Variants in EARS2 observed in about 807,000 individuals in gnomAD.
EARS2 encodes the protein nondiscriminating glutamyl-tRNA synthetase EARS2, mitochondrial.
Under a neutral mutation model 54.1 loss-of-function variants are expected in EARS2, and 50 were observed. The observed-to-expected ratio is 0.92, with a 90% CI of 0.74 to 1.17. The LOEUF is 1.17. EARS2 is among the 50% of genes most tolerant of loss of function. The pLI is 0.00. For synonymous variants in EARS2, 298 were observed against 281.0 expected (o/e 1.06, Z -0.61); for missense variants, 673 against 675.0 (o/e 1.00, Z 0.03).
chr16:23,557,367 G>A, upstream of EARS2: 1 of 1,536,976 alleles, frequency 6.5e-7, no homozygotes, highest in African/African-American at 1.4e-5. Flanking sequence ...GCACACGTGG[G>A]CTTCTCCCTG....
chr16:23,535,032 C>T lies in EARS2; in HGVS notation c.814G>A (p.Ala272Thr), dbSNP rs749912939. 6.3e-5 allele frequency: 102 copies of T among 1,610,796 alleles called. No homozygotes were observed. The highest frequency in any genetic ancestry group is 9.4e-5 in the African/African-American group (7 of 74,862). ...QALGWQPPHF[A>T]HLPLLLNRDG... ...CTGTTGAGGAGCAGGGGCAGGTGGG[C>T]GAAGTGGGGTGGCTGCCAGCCCAGG... Residue 272 changes from alanine (A) to threonine (T), a missense_variant, in exon 4 of 9, where the codon GCC becomes ACC. Physicochemically the swap from Ala to Thr is moderately conservative, Grantham distance 58 (BLOSUM62 0). Around this residue, in one of 3 missense-constraint regions of EARS2, gnomAD observed 338 missense variants for 361.2 expected, o/e 0.94. Coordinates refer to ENST00000449606, the MANE Select transcript of EARS2 (RefSeq NM_001083614.2).
chr16:23,526,965 TA>T (rs1047062134), intron 7 of EARS2, among the ~76,000 whole-genome samples: 15 of 62,982 alleles, frequency 2.4e-4, no homozygotes, highest in East Asian at 1.9e-3. Context: ...TAAAAATAAT[TA>T]ATTATTTTTT....
chr16:23,529,811 C>T lies in EARS2; in HGVS notation c.1154G>A (p.Gly385Asp), dbSNP rs1965293241. The change falls in exon 6 of 9, where the codon GGT (glycine) becomes GAT (aspartate). Residue 385 changes from glycine (G) to aspartate (D), a missense_variant. This residue lies in a region of EARS2 where 338 missense variants were observed against 361.2 expected (regional missense o/e 0.94). Transcript: ENST00000449606. ...KLQVLVEEAF[G>D]CQLQNRDVLN... is the part of the protein sequence containing the mutation. Reference sequence around the variant, plus strand: ...GACATCCCTGTTTTGCAGCTGGCAACCAAAGGCCTCCTCCACAAGGACCTG... The same window carrying T: ...GACATCCCTGTTTTGCAGCTGGCAATCAAAGGCCTCCTCCACAAGGACCTG... 6.2e-7 allele frequency: 1 copy of T among 1,614,020 alleles called. No homozygotes were observed. The highest frequency in any genetic ancestry group is 1.3e-5 in the African/African-American group (1 of 74,910).
Position 23,529,828 on chromosome 16 carries a change from A to G in EARS2, c.1137T>C (p.Leu379=), listed in dbSNP as rs1171240512. ...RRQLVGKLQV[L]VEEAFGCQLQ... ...GCTGGCAACCAAAGGCCTCCTCCAC[A>G]AGGACCTGCAGCTTCCCCACCAGCT... Residue 379 remains leucine, a synonymous_variant, in exon 6 of 9, where the codon CTT becomes CTC. Transcript: ENST00000449606. The G allele has an allele frequency of 5.6e-6, 9 of 1,614,026 alleles. No homozygotes were observed. The highest frequency in any genetic ancestry group is 1.7e-5 in the Admixed American group (1 of 59,988).
At chr16:23,536,759 T>C (rs985722381) in intron 3 of EARS2, among the ~76,000 whole-genome samples, 5 of 149,532 alleles carry the variant, frequency 3.3e-5, no homozygotes, top group African/African-American at 1.2e-4. Flanking sequence ...CTTGACTCAC[T>C]GCAACCTCCA....
chr16:23,530,424 G>A (rs1328975381), intron 5 of EARS2, among the ~76,000 whole-genome samples: 1 of 152,164 alleles, frequency 6.6e-6, no homozygotes, highest in Non-Finnish European at 1.5e-5. Context: ...CACGCTTTCA[G>A]TGTTTTCAAA....
intron 4 of EARS2, among the ~76,000 whole-genome samples, chr16:23,534,601 C>T (rs747769437): frequency 3.3e-5 from 5 of 152,290 alleles, no homozygotes; most frequent in Non-Finnish European, 7.3e-5. Context: ...AATCCTAACC[C>T]AATGAGGTAG....
rs966703064 is a variant in EARS2 at position 23,550,551 on chromosome 16, C to T, written c.295+1598G>A. Among the ~76,000 whole-genome samples, 7 of 150,394 alleles carry T rather than the reference C, an allele frequency of 4.7e-5. No homozygotes were observed. In the Admixed American group the frequency reaches 4.7e-4, roughly 10 times the overall value. ...CTTCCGGGTTCACGCCATTCTCCTG[C>T]CTCAGCCTCCTGAGTAGCTGAGACT... On this transcript the variant is annotated intron_variant, in intron 2 of 8. Coordinates refer to ENST00000449606, the MANE Select transcript of EARS2 (RefSeq NM_001083614.2).
intron 7 of EARS2, among the ~76,000 whole-genome samples, chr16:23,528,119 C>A (rs913866430): frequency 1.3e-5 from 2 of 152,184 alleles, no homozygotes; most frequent in African/African-American, 4.8e-5. Flanking sequence ...TCACCAGACA[C>A]TGAATCGGCG....
At chr16:23,548,720 G>C (rs151226117) in intron 2 of EARS2, among the ~76,000 whole-genome samples, 44 of 152,248 alleles carry the variant, frequency 2.9e-4, no homozygotes, top group African/African-American at 9.9e-4. Context: ...CTAAGCCAAA[G>C]ACAGCCTGAA....
chr16:23,556,265 A>G (rs1057362238), intron 1 of EARS2, among the ~76,000 whole-genome samples: 1 of 152,212 alleles, frequency 6.6e-6, no homozygotes, highest in African/African-American at 2.4e-5. Context: ...CAGGCTATAC[A>G]ATGGGCCTCT....
chr16:23,534,802 G>A, intron 4 of EARS2, 86 bp downstream of exon 4: 2 of 1,233,892 alleles, frequency 1.6e-6, no homozygotes, highest in Non-Finnish European at 2.2e-6. Flanking sequence ...GCAAAGCTGG[G>A]ACCAAAGAGC....
chr16:23,544,257 CA>C (rs1227769001), intron 3 of EARS2, among the ~76,000 whole-genome samples: 1 of 152,156 alleles, frequency 6.6e-6, no homozygotes, highest in Non-Finnish European at 1.5e-5. Flanking sequence ...TGAGGTTGGC[CA>C]ATAGCCTTCT....
intron 1 of EARS2, among the ~76,000 whole-genome samples, chr16:23,555,911 T>C (rs1445049626): frequency 1.3e-5 from 2 of 152,260 alleles, no homozygotes; most frequent in South Asian, 4.1e-4. Context: ...CATAGCAATC[T>C]GGCAGAATGA....
Position 23,524,421 on chromosome 16 carries a change from A to T in EARS2, c.1522T>A (p.Leu508Met). 1 of 1,614,176 alleles carries T rather than the reference A, an allele frequency of 6.2e-7. No individual in the cohort carries two copies. Among genetic ancestry groups the T allele is most frequent in the South Asian group, 1.1e-5 (1 of 91,088 alleles). The change falls in exon 9 of 9, where the codon TTG (leucine) becomes ATG (methionine). Residue 508 changes from leucine (L) to methionine (M), a missense_variant. Physicochemically the swap from Leu to Met is conservative, Grantham distance 15. This residue lies in a region of EARS2 where 338 missense variants were observed against 361.2 expected (regional missense o/e 0.94). Transcript: ENST00000449606. ...GPPVAEMMLA[L>M]GPKEVRERIQ... Reference sequence around the variant, plus strand: ...CGTTCCCGTACTTCCTTTGGTCCCAAGGCCAACATCATCTCAGCTACAGGA... The same window carrying T: ...CGTTCCCGTACTTCCTTTGGTCCCATGGCCAACATCATCTCAGCTACAGGA...
chr16:23,532,513 G>A (rs376530956), intron 5 of EARS2, 144 bp downstream of exon 5: 4 of 567,078 alleles, frequency 7.1e-6, no homozygotes, highest in Non-Finnish European at 1.3e-5. Context: ...TTAGAGAAGA[G>A]AAAACAGAGG....
In EARS2 at chr16:23,535,165, T is replaced by C. The variant is rs202009901; in HGVS notation, c.681A>G (p.Thr227=). The change falls in exon 4 of 9, where the codon ACA becomes ACG. Residue 227 remains threonine (T), a synonymous_variant. Coordinates refer to ENST00000449606, the MANE Select transcript of EARS2 (RefSeq NM_001083614.2). Reference sequence around the variant, plus strand: ...CGTCCACCACGCAGGCCAGGTGGTATGTGGGGAAGCCGTCGCTCTTCATGA... The same window carrying C: ...CGTCCACCACGCAGGCCAGGTGGTACGTGGGGAAGCCGTCGCTCTTCATGA... The part of the protein sequence containing the change: ...PVIMKSDGFP[T]YHLACVVDDH... The C allele has an allele frequency of 1.9e-6, 3 of 1,613,484 alleles. No homozygotes were observed. Among genetic ancestry groups the C allele is most frequent in the East Asian group, 2.2e-5 (1 of 44,888 alleles).
intron 3 of EARS2, among the ~76,000 whole-genome samples, chr16:23,543,589 T>C (rs1241061072): frequency 6.6e-6 from 1 of 151,656 alleles, no homozygotes; most frequent in African/African-American, 2.4e-5. Context: ...AAAAATTAAA[T>C]GGGTGTGGTG....
At position 23,552,184 on chromosome 16, in the gene EARS2, G is replaced by A. The variant is rs1221246178; in HGVS notation, c.260C>T (p.Ala87Val). The A allele has an allele frequency of 1.2e-6, 2 of 1,614,092 alleles. No homozygotes were observed. Among genetic ancestry groups the A allele is most frequent in the South Asian group, 2.2e-5 (2 of 91,070 alleles). ...CAGCATGTCCTCAATATTCTCCGCT[G>A]CCCCAGGCACAACGCGAGTCTGATC... ...DTDQTRVVPG[A>V]AENIEDMLEW... Residue 87 changes from alanine to valine, a missense_variant, in exon 2 of 9, where the codon GCA becomes GTA. Physicochemically the swap from Ala to Val is moderately conservative, Grantham distance 64 (BLOSUM62 0). This residue lies in a region of EARS2 where 316 missense variants were observed against 275.2 expected (regional missense o/e 1.15). Transcript: ENST00000449606.
Sources: gnomAD v4.1 joint callset for allele counts (sites outside exome capture counted in the v4.1 genomes callset) on GRCh38, gnomAD v4.1.1 for gene constraint, gnomAD v4.1.1 regional missense constraint, MANE v1.5 for transcripts, NCBI Gene and HGNC (gene_info 2026-07-23, HGNC 2026-07-21) for gene names.